CYB5B: variants seen among roughly 807,000 people sequenced by gnomAD.
CYB5B encodes cytochrome b5 type B (outer mitochondrial membrane).
A neutral mutation model predicts 21.3 loss-of-function variants in CYB5B; 14 were observed. The ratio of observed to expected loss-of-function variants is 0.66; its 90% CI spans 0.43 to 1.03. The LOEUF (loss-of-function observed/expected upper bound fraction) is 1.03, where lower values mean the gene tolerates loss of function less well. Ranked by LOEUF, CYB5B falls within the 50% of genes least tolerant of loss-of-function variation. CYB5B has a pLI of 0.00. For missense variants in CYB5B, 166 were observed against 185.1 expected, an observed-to-expected ratio of 0.90 and a Z score of 0.60; for synonymous variants, 69 against 68.4, an observed-to-expected ratio of 1.01 and a Z score of -0.04.
chr16:69,459,337 A>G, intron 4 of CYB5B: 1 of 527,464 alleles, frequency 1.9e-6, no homozygotes, highest in Non-Finnish European at 3.2e-6. Flanking sequence ...TCATGCCTTG[A>G]GTCATTTTTT....
At chr16:69,438,538 T>A (rs1597281500) in intron 1 of CYB5B, among the ~76,000 whole-genome samples, 1 of 50,336 alleles carries the variant, frequency 2.0e-5, no homozygotes, top group Admixed American at 1.6e-4. Flanking sequence ...CATTTTTCGA[T>A]TTTTTTTTTT....
chr16:69,444,926 AACTTTT>A (rs1204247658), intron 1 of CYB5B, among the ~76,000 whole-genome samples: 1 of 152,216 alleles, frequency 6.6e-6, no homozygotes, highest in African/African-American at 2.4e-5. Flanking sequence ...GCGAATATAT[AACTTTT>A]ACTTAATATT....
Position 69,463,165 on chromosome 16 carries a change from AC to A in CYB5B, c.*646del, listed in dbSNP as rs1250106786. 1 of 152,192 alleles carries A rather than the reference AC, an allele frequency of 6.6e-6. No homozygotes were observed. The highest frequency in any genetic ancestry group is 1.5e-5 in the Non-Finnish European group (1 of 68,030). 9.4% of individuals were successfully genotyped at this position (152,192 alleles called of 1,614,324 possible). On this transcript the variant is annotated 3_prime_UTR_variant, in exon 5 of 5. Coordinates refer to ENST00000307892, the MANE Select transcript of CYB5B (RefSeq NM_030579.3). ...AAGGTTTGCACCTATTAAACTTAAA[AC>A]TGCCAAATGATTTTTGTTCTTTTAT...
At chr16:69,428,659 GA>G (rs747115797) in intron 1 of CYB5B, among the ~76,000 whole-genome samples, 3 of 146,236 alleles carry the variant, frequency 2.1e-5, no homozygotes, top group East Asian at 4.0e-4. Flanking sequence ...CGTCACAAAT[GA>G]AAAAAAAAAG....
intron 3 of CYB5B, 59 bp from the exon 4 acceptor site, chr16:69,459,032 CTA>C: frequency 6.9e-7 from 1 of 1,447,308 alleles, no homozygotes. Flanking sequence ...TGTACATGTG[CTA>C]TGTTAATCTT....
In CYB5B at chr16:69,462,587, T is replaced by A; in HGVS notation, c.*67T>A. Reference sequence around the variant, plus strand: ...GAAAACTAGAGACTTGCTTGGGGGCTGCAGAAGTGCCCTCTCCTCGAATCC... The same window carrying A: ...GAAAACTAGAGACTTGCTTGGGGGCAGCAGAAGTGCCCTCTCCTCGAATCC... On this transcript the variant is annotated 3_prime_UTR_variant, in exon 5 of 5. Transcript: ENST00000307892. 7.6e-7 allele frequency: 1 copy of A among 1,314,976 alleles called. No individual in the cohort carries two copies. The highest frequency in any genetic ancestry group is 1.1e-6 in the Non-Finnish European group (1 of 915,448). 81.5% of individuals were successfully genotyped at this position (1,314,976 alleles called of 1,614,324 possible).
chr16:69,427,911 G>C (rs1221598865), intron 1 of CYB5B, among the ~76,000 whole-genome samples: 1 of 150,930 alleles, frequency 6.6e-6, no homozygotes, highest in Non-Finnish European at 1.5e-5. Context: ...CAGGAGAATC[G>C]CTTGAACCCG....
chr16:69,453,239 AT>A (rs2014953306), intron 3 of CYB5B, among the ~76,000 whole-genome samples: 1 of 151,898 alleles, frequency 6.6e-6, no homozygotes, highest in Non-Finnish European at 1.5e-5. Context: ...TTAAAGTTAC[AT>A]TTTTTCTCCC....
intron 1 of CYB5B, among the ~76,000 whole-genome samples, chr16:69,437,091 C>T (rs1314238347): frequency 2.0e-5 from 3 of 152,190 alleles, no homozygotes; most frequent in Non-Finnish European, 2.9e-5. Context: ...GAGGACATTA[C>T]ACAATTTCCT....
chr16:69,441,363 C>T (rs2014821637), intron 1 of CYB5B, among the ~76,000 whole-genome samples: 1 of 152,072 alleles, frequency 6.6e-6, no homozygotes, highest in African/African-American at 2.4e-5. Context: ...ACCATGTTGG[C>T]CAGGATGGTC....
intron 2 of CYB5B, 95 bp downstream of exon 2, chr16:69,447,373 G>A: frequency 6.7e-7 from 1 of 1,499,460 alleles, no homozygotes. Flanking sequence ...TGGGCGTGGT[G>A]GCTCACACCT....
rs56008000 is a variant in CYB5B at position 69,440,745 on chromosome 16, C to CGTGTGTGTGTGTGTGTGTGTGTGTGT, written c.175-6381_175-6380insGTGTGTGTGTGTGTGTGTGTGTGTGT. The stretch of plus-strand genomic sequence containing the variant: ...AATGCTGCTATGGCCGTGTGTGTTG[C>CGTGTGTGTGTGTGTGTGTGTGTGTGT]GTGTGTGTGTGTGTGTGTGTGTGTA... On this transcript the variant is annotated intron_variant, in intron 1 of 4. Transcript: ENST00000307892. 3.7e-3 allele frequency among the ~76,000 whole-genome samples: 538 copies of CGTGTGTGTGTGTGTGTGTGTGTGTGT among 146,404 alleles called. 12 individuals carry two copies. The highest frequency in any genetic ancestry group is 0.011 in the African/African-American group (416 of 38,742).
rs3035743 is a variant in CYB5B at position 69,447,642 on chromosome 16, C to CA, written c.303+380dup. On this transcript the variant is annotated intron_variant, in intron 2 of 4. Coordinates refer to ENST00000307892, the MANE Select transcript of CYB5B (RefSeq NM_030579.3). ...TGGGTGAAAGAGCGAGACTCTGTCTCAAAAAAAAAAAAAAAATTATTAAAA... is the reference window on the plus strand; with the variant it reads ...TGGGTGAAAGAGCGAGACTCTGTCTCAAAAAAAAAAAAAAAAATTATTAAAA... Among the ~76,000 whole-genome samples, 607 of 133,974 alleles carry CA rather than the reference C, an allele frequency of 4.5e-3. 9 individuals carry two copies. The highest frequency in any genetic ancestry group is 0.012 in the African/African-American group (438 of 35,352). 87.9% of individuals were successfully genotyped at this position (133,974 alleles called of 152,430 possible). A position where few individuals can be genotyped will look rare whatever the true frequency, so the allele number is the denominator to read the frequency against.
At position 69,463,530 on chromosome 16, in the gene CYB5B, T is replaced by G. The variant is rs1373802953; in HGVS notation, c.*1010T>G. On this transcript the variant is annotated 3_prime_UTR_variant, in exon 5 of 5. Transcript: ENST00000307892. ...CTATCTTTTATTGGTAAAATATAAA[T>G]GTATAATTATGTTTGTAGAGCTTTA... 1.3e-5 allele frequency: 2 copies of G among 152,194 alleles called. No individual in the cohort carries two copies. The highest frequency in any genetic ancestry group is 2.9e-5 in the Non-Finnish European group (2 of 68,034). The allele number at this position is 152,194 out of a possible 1,614,324, so 9.4% of individuals were successfully genotyped here. A position where few individuals can be genotyped will look rare whatever the true frequency, so the allele number is the denominator to read the frequency against.
At chr16:69,461,149 G>A (rs1039465397) in intron 4 of CYB5B, among the ~76,000 whole-genome samples, 5 of 151,310 alleles carry the variant, frequency 3.3e-5, no homozygotes, top group African/African-American at 1.2e-4. Context: ...AGCTTGCAGT[G>A]AGCCAAGATC....
chr16:69,462,372 T>C lies in CYB5B; in HGVS notation c.363-58T>C, dbSNP rs539710469. On this transcript the variant is annotated intron_variant, in intron 4 of 4. Transcript: ENST00000307892. The stretch of plus-strand genomic sequence containing the variant: ...ATAAAAACATGTGAAAGCTGAAAGA[T>C]AGTGAACATTTGGCTTAAAATATTA... 6.0e-5 allele frequency: 80 copies of C among 1,342,782 alleles called. No individual in the cohort carries two copies. The African/African-American group carries it at 8.5e-4, about 14-fold the overall frequency. The allele number at this position is 1,342,782 out of a possible 1,614,324, so 83.2% of individuals were successfully genotyped here. A position where few individuals can be genotyped will look rare whatever the true frequency, so the allele number is the denominator to read the frequency against.
chr16:69,440,685 G>T (rs1474436763), intron 1 of CYB5B, among the ~76,000 whole-genome samples: 2 of 151,598 alleles, frequency 1.3e-5, no homozygotes, highest in African/African-American at 4.9e-5. Flanking sequence ...TGCTGTAGAT[G>T]TTTGGGCTGT....
intron 4 of CYB5B, 112 bp downstream of exon 4, chr16:69,459,233 CT>C: frequency 2.3e-6 from 3 of 1,319,020 alleles, no homozygotes; most frequent in Non-Finnish European, 1.0e-6. Flanking sequence ...ACAACTAATT[CT>C]TTTTTGGCCC....
intron 1 of CYB5B, among the ~76,000 whole-genome samples, chr16:69,431,805 C>T (rs1167630717): frequency 4.6e-5 from 7 of 152,102 alleles, no homozygotes; most frequent in Admixed American, 4.6e-4. Context: ...ATGATACTGC[C>T]TTCTTGAAGC....
Sources: allele counts gnomAD v4.1 joint callset (sites outside exome capture counted in the v4.1 genomes callset), GRCh38; gene constraint gnomAD v4.1.1; transcripts MANE v1.5; gene names NCBI Gene and HGNC (gene_info 2026-07-23, HGNC 2026-07-21).